Variants in TMEM117 observed in about 807,000 individuals in gnomAD.
The protein encoded by TMEM117 is transmembrane protein 117.
Under a neutral mutation model 52.4 loss-of-function variants are expected in TMEM117, and 27 were observed. The observed-to-expected ratio is 0.51, with a 90% CI of 0.38 to 0.71. TMEM117 has a LOEUF of 0.71. TMEM117 is among the 30% of genes least tolerant of loss of function. The probability of loss-of-function intolerance (pLI) is 0.00; values close to 1 mark genes in which losing one functional copy is unlikely to be tolerated. For missense variants in TMEM117, 556 were observed against 630.5 expected (o/e 0.88, Z 1.26); for synonymous variants, 215 against 206.3 (o/e 1.04, Z -0.36).
intron 6 of TMEM117, among the ~76,000 whole-genome samples, chr12:44,321,018 T>G (rs931128043): frequency 3.3e-5 from 5 of 152,350 alleles, no homozygotes; most frequent in South Asian, 4.1e-4. Context: ...AGCAATTTTA[T>G]TTTTTCATTT....
At chr12:44,048,341 A>G (rs1215735438) in intron 3 of TMEM117, among the ~76,000 whole-genome samples, 2 of 151,678 alleles carry the variant, frequency 1.3e-5, no homozygotes, top group East Asian at 1.9e-4. Flanking sequence ...TTTGTTTTCT[A>G]TTTCTTTGAT....
intron 3 of TMEM117, among the ~76,000 whole-genome samples, chr12:44,062,136 T>A (rs1947149549): frequency 6.6e-6 from 1 of 152,190 alleles, no homozygotes; most frequent in Non-Finnish European, 1.5e-5. Flanking sequence ...AAGGCAAATG[T>A]TTTGGACCAT....
intron 6 of TMEM117, among the ~76,000 whole-genome samples, chr12:44,357,463 G>A (rs1184647181): frequency 6.6e-6 from 1 of 152,126 alleles, no homozygotes; most frequent in African/African-American, 2.4e-5. Flanking sequence ...GACTAAGTCA[G>A]AGGAGGGACA....
chr12:43,805,767 A>G, the TMEM117 span: 4 of 1,344,196 alleles, frequency 3.0e-6, no homozygotes, highest in East Asian at 1.8e-4. Context: ...AGATTCTGGC[A>G]TGGTTCTTTT....
At chr12:44,177,992 A>C (rs1358757146) in intron 4 of TMEM117, among the ~76,000 whole-genome samples, 1 of 152,138 alleles carries the variant, frequency 6.6e-6, no homozygotes, top group Non-Finnish European at 1.5e-5. Flanking sequence ...CCGTATGACA[A>C]ACTCTTATAT....
At chr12:44,325,894 C>G (rs566811873) in intron 6 of TMEM117, among the ~76,000 whole-genome samples, 14 of 152,326 alleles carry the variant, frequency 9.2e-5, no homozygotes, top group African/African-American at 3.1e-4. Flanking sequence ...GGTGCAGTGG[C>G]TCACGCCTAT....
At chr12:44,122,522 C>T (rs57010132) in intron 3 of TMEM117, among the ~76,000 whole-genome samples, 18,633 of 152,092 alleles carry the variant, frequency 0.12, 1,373 homozygotes, top group Middle Eastern at 0.2. Context: ...ATATTAGGCC[C>T]AGCATCCATT....
chr12:44,331,173 G>A (rs1951265157), intron 6 of TMEM117, among the ~76,000 whole-genome samples: 1 of 150,624 alleles, frequency 6.6e-6, no homozygotes, highest in African/African-American at 2.4e-5. Context: ...TCTTCTAGTG[G>A]GACCTTTTTT....
chr12:44,263,594 A>G (rs968093203), intron 5 of TMEM117: 4 of 152,238 alleles, frequency 2.6e-5, no homozygotes, highest in African/African-American at 9.6e-5. Context: ...AACCAACCCA[A>G]ATGCCCATCA....
chr12:44,372,481 T>C (rs1303974612), intron 6 of TMEM117, among the ~76,000 whole-genome samples: 1 of 152,054 alleles, frequency 6.6e-6, no homozygotes, highest in East Asian at 1.9e-4. Context: ...TCTCCACTCA[T>C]CAGAGTCTGA....
At chr12:43,928,804 C>T (rs1346044367) in intron 2 of TMEM117, among the ~76,000 whole-genome samples, 2 of 145,688 alleles carry the variant, frequency 1.4e-5, no homozygotes, top group African/African-American at 5.1e-5. Flanking sequence ...TCCATGTGTT[C>T]TCATTGTTCA....
intron 3 of TMEM117, among the ~76,000 whole-genome samples, chr12:44,143,053 A>AC (rs1948592394): frequency 6.6e-6 from 1 of 152,192 alleles, no homozygotes; most frequent in African/African-American, 2.4e-5. Flanking sequence ...AAATCTTGAT[A>AC]TTATTCTGAA....
chr12:44,028,312 G>A (rs1384789614), intron 3 of TMEM117, among the ~76,000 whole-genome samples: 2 of 152,144 alleles, frequency 1.3e-5, no homozygotes, highest in Non-Finnish European at 2.9e-5. Flanking sequence ...GAGCAAATCA[G>A]TGTTTAAGCT....
At chr12:43,806,184 A>T in the TMEM117 span, 1 of 1,435,852 alleles carries the variant, frequency 7.0e-7, no homozygotes, top group Non-Finnish European at 9.4e-7. Context: ...GCTCTCCCGG[A>T]AGCCCCTTCC....
At chr12:44,036,425 C>CT (rs145813469) in intron 3 of TMEM117, among the ~76,000 whole-genome samples, 215 of 152,134 alleles carry the variant, frequency 1.4e-3, no homozygotes, top group African/African-American at 5.1e-3. Flanking sequence ...AATTATTTGC[C>CT]TTTTTTATCA....
At chr12:44,246,568 A>ATT (rs1950132780) in intron 5 of TMEM117, among the ~76,000 whole-genome samples, 1 of 152,170 alleles carries the variant, frequency 6.6e-6, no homozygotes, top group Admixed American at 6.5e-5. Flanking sequence ...GCTACAAGGA[A>ATT]TTTAAGTGAC....
intron 5 of TMEM117, among the ~76,000 whole-genome samples, chr12:44,299,046 ATAT>A (rs1409273769): frequency 6.7e-6 from 1 of 150,210 alleles, no homozygotes; most frequent in Non-Finnish European, 1.5e-5. Context: ...GTCATTTTTA[ATAT>A]TGTTGTTGTT....
At position 44,348,209 on chromosome 12, in the gene TMEM117, A is replaced by T. The variant is rs182252102; in HGVS notation, c.769-28386A>T. Among the ~76,000 whole-genome samples, 59 of 152,014 alleles carry T rather than the reference A, an allele frequency of 3.9e-4. No homozygotes were observed. The Middle Eastern group carries it at 0.01, about 26-fold the overall frequency. ...CAAGGTTGACTTTAAAACAGAACAC[A>T]TTCTGGTTTAAGATATAAAGGAATA... On this transcript the variant is annotated intron_variant, in intron 6 of 7. Transcript: ENST00000266534.
At chr12:44,194,686 C>T (rs1311030327) in intron 4 of TMEM117, among the ~76,000 whole-genome samples, 1 of 151,822 alleles carries the variant, frequency 6.6e-6, no homozygotes, top group Non-Finnish European at 1.5e-5. Context: ...ATTATTCGGG[C>T]ATGGTGGCAT....
Sources: allele counts gnomAD v4.1 joint callset (sites outside exome capture counted in the v4.1 genomes callset), GRCh38; gene constraint gnomAD v4.1.1; transcripts MANE v1.5; gene names NCBI Gene and HGNC (gene_info 2026-07-23, HGNC 2026-07-21).